FRMPD4: variants seen among roughly 807,000 people sequenced by gnomAD.
The protein encoded by FRMPD4 is FERM and PDZ domain-containing protein 4.
Under a neutral mutation model 94.1 loss-of-function variants are expected in FRMPD4, and 22 were observed. That is an observed-to-expected ratio of 0.23 (90% CI 0.17 to 0.33). The LOEUF is 0.33. Among genes scored for constraint, FRMPD4 ranks in the 10% least tolerant of loss-of-function variants. The pLI, the probability that FRMPD4 is intolerant of heterozygous loss-of-function variation, is 1.00. For synonymous variants in FRMPD4, 631 were observed against 548.6 expected, an observed-to-expected ratio of 1.15 and a Z score of -2.10; for missense variants, 1,111 against 1,339.9, an observed-to-expected ratio of 0.83 and a Z score of 2.67.
chrX:12,324,307 A>T (rs1375623254), intron 1 of FRMPD4, among the ~76,000 whole-genome samples: 1 of 112,352 alleles, frequency 8.9e-6, no homozygotes, highest in African/African-American at 3.2e-5. Flanking sequence ...TCTTATTGTC[A>T]GTAGATTATG....
At chrX:12,031,926 A>G (rs1050556880) in intron 3 of FRMPD4, among the ~76,000 whole-genome samples, 2 of 111,563 alleles carry the variant, frequency 1.8e-5, no homozygotes, top group Non-Finnish European at 3.8e-5. Context: ...CACAGTTGAG[A>G]AAGCTTAAGA....
chrX:12,027,570 T>C (rs2054667672), intron 3 of FRMPD4, among the ~76,000 whole-genome samples: 1 of 110,964 alleles, frequency 9.0e-6, no homozygotes, highest in African/African-American at 3.3e-5. Flanking sequence ...TGAAAATAAA[T>C]TTGCTGAGGT....
intron 8 of FRMPD4, 85 bp from the exon 9 acceptor site, chrX:12,694,250 C>CA: frequency 4.1e-6 from 3 of 725,023 alleles, no homozygotes; most frequent in Non-Finnish European, 6.3e-6. Flanking sequence ...CCTTAGTGTC[C>CA]AAAAAAAGTC....
intron 3 of FRMPD4, among the ~76,000 whole-genome samples, chrX:11,953,538 T>G (rs970323689): frequency 1.8e-5 from 2 of 110,955 alleles, no homozygotes; most frequent in African/African-American, 6.6e-5. Context: ...TCAAAAGGAC[T>G]ATTTCGATGA....
upstream of FRMPD4, among the ~76,000 whole-genome samples, chrX:12,135,316 C>G (rs2055587133): frequency 9.1e-6 from 1 of 110,057 alleles, no homozygotes; most frequent in Non-Finnish European, 1.9e-5. Context: ...CTGCAGCACA[C>G]ACCTGGCACA....
At chrX:12,523,958 C>T (rs1263666137) in intron 2 of FRMPD4, among the ~76,000 whole-genome samples, 1 of 111,059 alleles carries the variant, frequency 9.0e-6, no homozygotes, top group African/African-American at 3.3e-5. Context: ...AGTTCAAGAC[C>T]AGCCTGGGCA....
At chrX:12,685,050 T>A (rs1032290037) in intron 6 of FRMPD4, among the ~76,000 whole-genome samples, 1 of 111,836 alleles carries the variant, frequency 8.9e-6, no homozygotes, top group African/African-American at 3.3e-5. Flanking sequence ...ATTTATTCAG[T>A]GACTTGAGAG....
At chrX:12,554,622 T>A (rs1470663361) in intron 2 of FRMPD4, among the ~76,000 whole-genome samples, 1 of 111,297 alleles carries the variant, frequency 9.0e-6, no homozygotes, top group Admixed American at 9.5e-5. Context: ...CATATCTTTG[T>A]TTTTTTTGAG....
At chrX:12,112,526 C>G (rs1218049822) in intron 3 of FRMPD4, among the ~76,000 whole-genome samples, 1 of 110,670 alleles carries the variant, frequency 9.0e-6, no homozygotes, top group Non-Finnish European at 1.9e-5. Flanking sequence ...TGTAACAAAC[C>G]TGCACGTTGT....
chrX:11,906,117 T>TTATG (rs1189330485), intron 3 of FRMPD4, among the ~76,000 whole-genome samples: 286 of 88,926 alleles, frequency 3.2e-3, no homozygotes, highest in Middle Eastern at 0.011. Flanking sequence ...TCCCTTCATT[T>TTATG]TATTTATTTA....
chrX:12,378,818 C>CTT (rs1398618465), intron 1 of FRMPD4, among the ~76,000 whole-genome samples: 1 of 111,895 alleles, frequency 8.9e-6, no homozygotes, highest in Non-Finnish European at 1.9e-5. Flanking sequence ...GTACTCAGAA[C>CTT]TTTATTGTAC....
rs1196334230 is a variant in FRMPD4 at position 12,723,757 on chromosome X, G to A, written c.*1899G>A. On this transcript the variant is annotated 3_prime_UTR_variant, in exon 17 of 17. Transcript: ENST00000675598. ...GGTTTGGACACTATTCTCTCTGGAG[G>A]CAATATGGATGAGTTCTTACGGATA... is the stretch of plus-strand genomic sequence containing the variant. 3 of 111,157 alleles carry A rather than the reference G, an allele frequency of 2.7e-5. No individual in the cohort carries two copies. The highest frequency in any genetic ancestry group is 5.7e-5 in the Non-Finnish European group (3 of 53,065). 9.2% of individuals were successfully genotyped at this position (111,157 alleles called of 1,213,427 possible). A position where few individuals can be genotyped will look rare whatever the true frequency, so the allele number is the denominator to read the frequency against.
At chrX:12,022,043 G>A (rs1316064873) in intron 3 of FRMPD4, among the ~76,000 whole-genome samples, 1 of 112,126 alleles carries the variant, frequency 8.9e-6, no homozygotes. Context: ...ATATCAAAAG[G>A]TTGGATTGGA....
At chrX:12,382,333 A>G (rs928523279) in intron 1 of FRMPD4, among the ~76,000 whole-genome samples, 2 of 111,413 alleles carry the variant, frequency 1.8e-5, no homozygotes, top group Non-Finnish European at 3.8e-5. Context: ...CGCCGGGCAG[A>G]GGGGTATGAT....
rs769660304 is a variant in FRMPD4 at position 12,716,396 on chromosome X, C to T, written c.1937C>T (p.Pro646Leu). ...ACTCTGAAGAAAGCACAGGAATCTC[C>T]GAGAGGAGCTAAAGTGTCCTTTATT... ...PETLKKAQES[P>L]RGAKVSFIFG... Residue 646 changes from proline to leucine, a missense_variant, in exon 15 of 17, where the codon CCG (proline) becomes CTG (leucine). Coordinates refer to ENST00000675598, the MANE Select transcript of FRMPD4 (RefSeq NM_001368397.1). 14 of 1,210,235 alleles carry T rather than the reference C, an allele frequency of 1.2e-5. No individual in the cohort carries two copies. The highest frequency in any genetic ancestry group is 3.0e-5 in the East Asian group (1 of 33,820).
In FRMPD4 at chrX:12,485,834, A is replaced by G. The variant is rs770888885; in HGVS notation, c.42-12846A>G. 2.7e-5 allele frequency among the ~76,000 whole-genome samples: 3 copies of G among 110,389 alleles called. No homozygotes were observed. The East Asian group carries it at 8.5e-4, about 31-fold the overall frequency. ...TGAGGCATGAGAATCGCTTGAACCC[A>G]GGAGGTGGAGGTTGCAGTGAACCAA... On this transcript the variant is annotated intron_variant, in intron 1 of 16. Coordinates refer to ENST00000675598, the MANE Select transcript of FRMPD4 (RefSeq NM_001368397.1).
At chrX:12,365,147 A>G (rs1395065419) in intron 1 of FRMPD4, among the ~76,000 whole-genome samples, 1 of 112,522 alleles carries the variant, frequency 8.9e-6, no homozygotes, top group Non-Finnish European at 1.9e-5. Flanking sequence ...GGTGGTGAAC[A>G]TGAACCTACT....
intron 1 of FRMPD4, among the ~76,000 whole-genome samples, chrX:12,300,964 C>T (rs771763289): frequency 6.3e-5 from 7 of 111,966 alleles, no homozygotes; most frequent in Non-Finnish European, 1.1e-4. Flanking sequence ...GACCTCAGCG[C>T]ACTCCCTTGT....
chrX:12,167,852 T>C (rs2056147848), intron 1 of FRMPD4, among the ~76,000 whole-genome samples: 1 of 112,240 alleles, frequency 8.9e-6, no homozygotes, highest in Non-Finnish European at 1.9e-5. Context: ...ATTATTTGTC[T>C]TCCAGGAATA....
Sources: allele counts gnomAD v4.1 joint callset (sites outside exome capture counted in the v4.1 genomes callset), GRCh38; gene constraint gnomAD v4.1.1; transcripts MANE v1.5; gene names NCBI Gene and HGNC (gene_info 2026-07-23, HGNC 2026-07-21).